The following MTMR6 variants were observed in gnomAD, a reference collection of about 807,000 sequenced individuals.
The protein encoded by MTMR6 is phosphatidylinositol-3,5-bisphosphate 3-phosphatase MTMR6.
In MTMR6, 47 loss-of-function variants were observed where a neutral mutation model predicts 80.1. The ratio of observed to expected loss-of-function variants is 0.59; its 90% CI spans 0.46 to 0.75. The LOEUF is 0.75. MTMR6 is among the 30% of genes least tolerant of loss of function. MTMR6 has a pLI of 0.00. For missense variants in MTMR6, 629 were observed against 730.9 expected (o/e 0.86, Z 1.61); for synonymous variants, 254 against 253.0 (o/e 1.00, Z -0.04).
In MTMR6 at chr13:25,281,186, A is replaced by C. The variant is rs553604744; in HGVS notation, c.24+6038T>G. Among the ~76,000 whole-genome samples, 63 of 152,262 alleles carry C rather than the reference A, an allele frequency of 4.1e-4. 2 individuals carry two copies. In the South Asian group the frequency reaches 4.1e-3, roughly 10 times the overall value. On this transcript the variant is annotated intron_variant, in intron 1 of 13. Coordinates refer to ENST00000381801, the MANE Select transcript of MTMR6 (RefSeq NM_004685.5). ...CTACAGAAAAAGAAAATTATTTTCTAATTAGCCAGGCATGGTGGCATGCTC... is the reference window on the plus strand; with the variant it reads ...CTACAGAAAAAGAAAATTATTTTCTCATTAGCCAGGCATGGTGGCATGCTC...
In MTMR6 at chr13:25,260,557, C is replaced by T. The variant is rs921309058; in HGVS notation, c.726+1111G>A. Reference sequence around the variant, plus strand: ...CACAAAGCTGCCTAAAAACCACTTGCGTTCTATATTGCTCACTCGCTTTTT... The same window carrying T: ...CACAAAGCTGCCTAAAAACCACTTGTGTTCTATATTGCTCACTCGCTTTTT... On this transcript the variant is annotated intron_variant, in intron 6 of 13. Coordinates refer to ENST00000381801, the MANE Select transcript of MTMR6 (RefSeq NM_004685.5). 15 of 1,210,356 alleles carry T rather than the reference C, an allele frequency of 1.2e-5. No homozygotes were observed. In the Admixed American group the frequency reaches 2.3e-4, roughly 18 times the overall value. 75.0% of individuals were successfully genotyped at this position (1,210,356 alleles called of 1,614,324 possible). A position where few individuals can be genotyped will look rare whatever the true frequency, so the allele number is the denominator to read the frequency against.
intron 3 of MTMR6, among the ~76,000 whole-genome samples, chr13:25,267,527 C>T (rs1031815509): frequency 3.9e-5 from 6 of 152,072 alleles, no homozygotes; most frequent in South Asian, 2.1e-4. Flanking sequence ...TTAATATAAA[C>T]CTGTGGTTTT....
intron 6 of MTMR6, 57 bp downstream of exon 6, chr13:25,261,611 A>T (rs1342590141): frequency 2.2e-6 from 3 of 1,388,190 alleles, no homozygotes; most frequent in East Asian, 5.0e-5. Context: ...AACTCTCATT[A>T]AGTAAAGTAA....
intron 13 of MTMR6, among the ~76,000 whole-genome samples, chr13:25,250,664 T>C (rs1159808257): frequency 6.6e-6 from 1 of 152,228 alleles, no homozygotes; most frequent in Non-Finnish European, 1.5e-5. Flanking sequence ...ATTCATATAA[T>C]ATAAAGTTAT....
chr13:25,274,961 T>TAC (rs71077456), intron 1 of MTMR6, among the ~76,000 whole-genome samples: 2,778 of 104,954 alleles, frequency 0.026, 162 homozygotes, highest in African/African-American at 0.078. Flanking sequence ...CACACACACA[T>TAC]ACACACACAC....
intron 2 of MTMR6, 89 bp downstream of exon 2, chr13:25,273,982 A>T: frequency 1.1e-6 from 1 of 938,228 alleles, no homozygotes; most frequent in Non-Finnish European, 1.6e-6. Flanking sequence ...ACCAATGATT[A>T]AAAATTGTGT....
chr13:25,265,694 T>C lies in MTMR6; in HGVS notation c.591+125A>G, dbSNP rs191057865. ...TTGCAGTGAGCCAAGATGGTGCCACTGCACTCCAGCTTCGGCAACAGAGCG... is the reference window on the plus strand; with the variant it reads ...TTGCAGTGAGCCAAGATGGTGCCACCGCACTCCAGCTTCGGCAACAGAGCG... On this transcript the variant is annotated intron_variant, in intron 5 of 13. Transcript: ENST00000381801. 5.2e-4 allele frequency: 562 copies of C among 1,074,850 alleles called. 4 individuals carry two copies. The African/African-American group carries it at 7.7e-3, about 15-fold the overall frequency. 66.6% of individuals were successfully genotyped at this position (1,074,850 alleles called of 1,614,324 possible). A position where few individuals can be genotyped will look rare whatever the true frequency, so the allele number is the denominator to read the frequency against.
intron 6 of MTMR6, among the ~76,000 whole-genome samples, chr13:25,259,823 T>C (rs755573787): frequency 6.6e-6 from 1 of 152,132 alleles, no homozygotes; most frequent in Admixed American, 6.5e-5. Flanking sequence ...CAACTCCTAA[T>C]AAAGTCTTTT....
At chr13:25,287,014 C>T (rs1280392947) in intron 1 of MTMR6, among the ~76,000 whole-genome samples, 1 of 152,142 alleles carries the variant, frequency 6.6e-6, no homozygotes, top group Non-Finnish European at 1.5e-5. Context: ...GGGACCCCTG[C>T]TCCTGTAGGT....
chr13:25,287,199 G>C, intron 1 of MTMR6, 25 bp downstream of exon 1: 1 of 1,591,762 alleles, frequency 6.3e-7, no homozygotes, highest in African/African-American at 1.3e-5. Flanking sequence ...GGCCCCTGAA[G>C]ACTGGCGATC....
chr13:25,267,685 A>C, intron 3 of MTMR6, 94 bp downstream of exon 3: 1 of 1,306,404 alleles, frequency 7.7e-7, no homozygotes, highest in South Asian at 1.6e-5. Flanking sequence ...CAGAGCAAAA[A>C]AGGATAAAAT....
intron 8 of MTMR6, 111 bp downstream of exon 8, chr13:25,257,625 A>T (rs1228172082): frequency 1.8e-5 from 14 of 773,498 alleles, no homozygotes; most frequent in Non-Finnish European, 2.4e-5. Flanking sequence ...TTAAAGAGGT[A>T]AAAAATAATA....
At chr13:25,285,515 G>T (rs1442778904) in intron 1 of MTMR6, among the ~76,000 whole-genome samples, 1 of 150,028 alleles carries the variant, frequency 6.7e-6, no homozygotes, top group Non-Finnish European at 1.5e-5. Context: ...TGGGACTACA[G>T]GTACATACCA....
At chr13:25,269,328 C>A (rs1957519185) in intron 2 of MTMR6, among the ~76,000 whole-genome samples, 1 of 152,170 alleles carries the variant, frequency 6.6e-6, no homozygotes, top group South Asian at 2.1e-4. Flanking sequence ...CTGATACCTC[C>A]TTTATCACAA....
In MTMR6 at chr13:25,253,833, T is replaced by C. The variant is rs1195654020; in HGVS notation, c.1277A>G (p.His426Arg). Reference sequence around the variant, plus strand: ...AAACTGGCATGAATGAATATGCTCATGGATCTGAAGAAGAAATGCTTCACT... The same window carrying C: ...AAACTGGCATGAATGAATATGCTCACGGATCTGAAGAAGAAATGCTTCACT... ...EFSEAFLLQIHEHIHSCQFGN... is the reference protein window; with the variant it reads ...EFSEAFLLQIREHIHSCQFGN... The change falls in exon 11 of 14, where the codon CAT (histidine) becomes CGT (arginine). Residue 426 changes from histidine to arginine, a missense_variant. His to Arg is a conservative substitution (Grantham distance 29). Coordinates refer to ENST00000381801, the MANE Select transcript of MTMR6 (RefSeq NM_004685.5). 1 of 1,614,036 alleles carries C rather than the reference T, an allele frequency of 6.2e-7. No individual in the cohort carries two copies. Among genetic ancestry groups the C allele is most frequent in the Non-Finnish European group, 8.5e-7 (1 of 1,180,022 alleles).
At position 25,287,351 on chromosome 13, in the gene MTMR6, G is replaced by C. The variant is rs1957975268; in HGVS notation, c.-104C>G. ...GAGCAAGCGGGAACTCCCTCCACCA[G>C]CCAGCGCCGCGGGTCTGTCTGCCGG... is the stretch of plus-strand genomic sequence containing the variant. On this transcript the variant is annotated 5_prime_UTR_variant, in exon 1 of 14. Coordinates refer to ENST00000381801, the MANE Select transcript of MTMR6 (RefSeq NM_004685.5). The C allele has an allele frequency of 1.4e-6, 2 of 1,447,490 alleles. No homozygotes were observed. The highest frequency in any genetic ancestry group is 1.2e-5 in the South Asian group (1 of 82,158). 89.7% of individuals were successfully genotyped at this position (1,447,490 alleles called of 1,614,324 possible).
chr13:25,280,533 A>G (rs1419057702), intron 1 of MTMR6, among the ~76,000 whole-genome samples: 1 of 152,226 alleles, frequency 6.6e-6, no homozygotes, highest in African/African-American at 2.4e-5. Flanking sequence ...CCACAGACTT[A>G]GTCAACTTCT....
At chr13:25,257,955 G>T in intron 7 of MTMR6, 110 bp from the exon 8 acceptor site, 2 of 620,352 alleles carry the variant, frequency 3.2e-6, no homozygotes. Context: ...AAATAAACAG[G>T]CAAGACTCTA....
chr13:25,287,106 C>G, intron 1 of MTMR6, 118 bp downstream of exon 1: 1 of 1,431,528 alleles, frequency 7.0e-7, no homozygotes, highest in Non-Finnish European at 9.5e-7. Flanking sequence ...CCGCCCCGGG[C>G]CGGGTCTCCG....
Sources: allele counts gnomAD v4.1 joint callset (sites outside exome capture counted in the v4.1 genomes callset), GRCh38; gene constraint gnomAD v4.1.1; transcripts MANE v1.5; gene names NCBI Gene and HGNC (gene_info 2026-07-23, HGNC 2026-07-21).